Variants in CLDN16 observed in about 807,000 individuals in gnomAD.
CLDN16 encodes the protein claudin 16.
In CLDN16, 13 loss-of-function variants were observed where a neutral mutation model predicts 24.6. The observed-to-expected ratio is 0.53, with a 90% CI of 0.34 to 0.84. The LOEUF (loss-of-function observed/expected upper bound fraction) is 0.84. CLDN16 is among the 40% of genes least tolerant of loss of function. The pLI, the probability that CLDN16 is intolerant of heterozygous loss-of-function variation, is 0.01. For synonymous variants in CLDN16, 116 were observed against 106.7 expected (o/e 1.09, Z -0.54); for missense variants, 298 against 292.7 (o/e 1.02, Z -0.13).
At chr3:190,304,221 A>G in the CLDN16 span, among the ~76,000 whole-genome samples, 1 of 152,126 alleles carries the variant, frequency 6.6e-6, no homozygotes, top group South Asian at 2.1e-4. Context: ...TAAGGCCTTC[A>G]TTTTATGAAT....
At chr3:190,368,054 G>A (rs1432715961) in intron 1 of CLDN16, among the ~76,000 whole-genome samples, 1 of 151,906 alleles carries the variant, frequency 6.6e-6, no homozygotes, top group Non-Finnish European at 1.5e-5. Flanking sequence ...CCTGGCTGTG[G>A]CAGGCAGCCT....
At chr3:190,372,990 G>T (rs146679580) in intron 2 of CLDN16, among the ~76,000 whole-genome samples, 63 of 151,960 alleles carry the variant, frequency 4.1e-4, no homozygotes, top group Admixed American at 1.2e-3. Flanking sequence ...TACTGTACAT[G>T]CTGATAATCT....
At chr3:190,304,925 G>A in the CLDN16 span, among the ~76,000 whole-genome samples, 4 of 152,192 alleles carry the variant, frequency 2.6e-5, no homozygotes, top group Admixed American at 2.0e-4. Flanking sequence ...CTCACACAGA[G>A]GTGATATCTA....
chr3:190,369,845 G>A (rs1346403435), intron 1 of CLDN16, among the ~76,000 whole-genome samples: 1 of 151,902 alleles, frequency 6.6e-6, no homozygotes, highest in East Asian at 1.9e-4. Flanking sequence ...CCCTGGCTCT[G>A]TTTAGACTTG....
chr3:190,344,808 G>A (rs183902231), intron 1 of CLDN16, among the ~76,000 whole-genome samples: 2 of 152,208 alleles, frequency 1.3e-5, no homozygotes, highest in East Asian at 1.9e-4. Flanking sequence ...GCTGTAAAAG[G>A]GGGTCTTCTT....
chr3:190,401,879 ACT>A (rs1178352299), intron 1 of CLDN16, among the ~76,000 whole-genome samples: 2 of 151,804 alleles, frequency 1.3e-5, no homozygotes, highest in Non-Finnish European at 2.9e-5. Flanking sequence ...TCTTCATGGA[ACT>A]CAGTATTCGT....
At chr3:190,400,421 C>A (rs1362910140) in intron 1 of CLDN16, among the ~76,000 whole-genome samples, 1 of 151,944 alleles carries the variant, frequency 6.6e-6, no homozygotes, top group Non-Finnish European at 1.5e-5. Context: ...TTAGTAGAGA[C>A]GGGGTTTCAC....
chr3:190,409,871 G>A (rs1230551872), intron 4 of CLDN16, 32 bp from the exon 5 acceptor site: 1 of 1,607,462 alleles, frequency 6.2e-7, no homozygotes, highest in East Asian at 2.2e-5. Context: ...AGTTCACTGA[G>A]TTCTACTTAT....
At chr3:190,315,429 T>A in the CLDN16 span, among the ~76,000 whole-genome samples, 1 of 152,198 alleles carries the variant, frequency 6.6e-6, no homozygotes, top group Non-Finnish European at 1.5e-5. Context: ...AGAAGGCATA[T>A]GTCATGCAGA....
intron 1 of CLDN16, among the ~76,000 whole-genome samples, chr3:190,354,977 G>A (rs971578328): frequency 3.3e-5 from 5 of 151,962 alleles, no homozygotes; most frequent in African/African-American, 7.2e-5. Context: ...TCACAGAAAA[G>A]GTCAAAGTAT....
chr3:190,371,554 G>T (rs1256524580), intron 2 of CLDN16, among the ~76,000 whole-genome samples: 2 of 151,868 alleles, frequency 1.3e-5, no homozygotes, highest in African/African-American at 4.8e-5. Flanking sequence ...ACTAATGCCT[G>T]CTCTTGAAAT....
the CLDN16 span, among the ~76,000 whole-genome samples, chr3:190,301,498 A>AC: frequency 2.9e-3 from 418 of 146,400 alleles, no homozygotes; most frequent in African/African-American, 9.9e-3. Flanking sequence ...TGTCTCAAAA[A>AC]AAAAGAAGAA....
chr3:190,403,084 T>G (rs1389832880), intron 2 of CLDN16, among the ~76,000 whole-genome samples: 1 of 152,136 alleles, frequency 6.6e-6, no homozygotes, highest in South Asian at 2.1e-4. Context: ...TCCTAGCACT[T>G]TGGGAGGCCA....
At chr3:190,320,300 T>C (rs766248217), upstream of CLDN16, among the ~76,000 whole-genome samples, 9 of 152,210 alleles carry the variant, frequency 5.9e-5, no homozygotes, top group Non-Finnish European at 1.0e-4. Context: ...GGAATAAAAC[T>C]GACAGTGAGA....
At chr3:190,370,469 A>G (rs1262094641) in intron 1 of CLDN16, among the ~76,000 whole-genome samples, 3 of 151,986 alleles carry the variant, frequency 2.0e-5, no homozygotes, top group African/African-American at 7.2e-5. Flanking sequence ...AGTATCACTC[A>G]TTACGGCTTG....
chr3:190,297,453 G>A, the CLDN16 span, among the ~76,000 whole-genome samples: 3 of 112,712 alleles, frequency 2.7e-5, no homozygotes, highest in African/African-American at 3.8e-5. Flanking sequence ...GTAAATATAT[G>A]TATCATATTA....
chr3:190,308,529 T>C, the CLDN16 span: 2 of 1,242,140 alleles, frequency 1.6e-6, no homozygotes, highest in Non-Finnish European at 2.3e-6. Flanking sequence ...ATACTCATTG[T>C]ATTTTTTTCA....
chr3:190,375,564 T>TA (rs2108649860), intron 3 of CLDN16, among the ~76,000 whole-genome samples: 1 of 152,066 alleles, frequency 6.6e-6, no homozygotes, highest in South Asian at 2.1e-4. Flanking sequence ...AGCAGGGGGT[T>TA]AAAAAACAGG....
the CLDN16 span, among the ~76,000 whole-genome samples, chr3:190,309,368 C>A: frequency 3.3e-5 from 5 of 152,182 alleles, no homozygotes; most frequent in African/African-American, 1.2e-4. Context: ...ACAACCATTG[C>A]AGTATGTGTT....
Sources: gnomAD v4.1 joint callset for allele counts (sites outside exome capture counted in the v4.1 genomes callset) on GRCh38, gnomAD v4.1.1 for gene constraint, MANE v1.5 for transcripts, NCBI Gene and HGNC (gene_info 2026-07-23, HGNC 2026-07-21) for gene names.